Variants in LRRC63 observed in about 807,000 individuals in gnomAD.
LRRC63 encodes leucine rich repeat containing 63.
Under a neutral mutation model 49.5 loss-of-function variants are expected in LRRC63, and 40 were observed. The observed-to-expected ratio is 0.81, with a 90% confidence interval of 0.63 to 1.05. The LOEUF is 1.05. Ranked by LOEUF, LRRC63 falls within the 50% of genes least tolerant of loss-of-function variation. LRRC63 has a pLI of 0.00. For missense variants in LRRC63, 636 were observed against 663.1 expected (o/e 0.96, Z 0.45); for synonymous variants, 191 against 221.1 (o/e 0.86, Z 1.21).
chr13:46,253,860 G>T (rs2047445127), intron 7 of LRRC63, among the ~76,000 whole-genome samples: 1 of 152,114 alleles, frequency 6.6e-6, no homozygotes, highest in African/African-American at 2.4e-5. Flanking sequence ...TTAACATGTT[G>T]ATTTTAGATT....
chr13:46,222,202 T>C (rs2046425895), intron 2 of LRRC63, among the ~76,000 whole-genome samples: 1 of 152,194 alleles, frequency 6.6e-6, no homozygotes, highest in African/African-American at 2.4e-5. Context: ...ATTTTTTGTT[T>C]TCTAAGGGGA....
chr13:46,256,251 A>G (rs1460386639), intron 7 of LRRC63, among the ~76,000 whole-genome samples: 2 of 152,372 alleles, frequency 1.3e-5, no homozygotes, highest in East Asian at 3.9e-4. Flanking sequence ...GGACAAAGAC[A>G]GTATGAAATG....
chr13:46,258,541 G>A (rs2047557469), intron 7 of LRRC63, among the ~76,000 whole-genome samples: 1 of 150,888 alleles, frequency 6.6e-6, no homozygotes, highest in Non-Finnish European at 1.5e-5. Context: ...TGGGCATGGT[G>A]GCTCACGCCT....
chr13:46,265,231 G>A (rs954881182), intron 8 of LRRC63, among the ~76,000 whole-genome samples: 1 of 152,116 alleles, frequency 6.6e-6, no homozygotes, highest in African/African-American at 2.4e-5. Context: ...CTAAACAGGT[G>A]TGTCCTCCGA....
In LRRC63 at chr13:46,267,157, C is replaced by T. The variant is rs374156645; in HGVS notation, c.1550+185C>T. Among the ~76,000 whole-genome samples, 120 of 152,324 alleles carry T rather than the reference C, an allele frequency of 7.9e-4. 1 individual carries two copies. The Middle Eastern group carries it at 0.024, about 30-fold the overall frequency. ...CAGGTATAATAATGTAGTCTGAATC[C>T]GGCCCCCTTGTGTGATATTCTCAAG... On this transcript the variant is annotated intron_variant, in intron 9 of 9. Transcript: ENST00000595396.
intron 7 of LRRC63, among the ~76,000 whole-genome samples, chr13:46,257,906 AATATGCATATATTTTTTTTCCCAGAT>A (rs920501095): frequency 2.0e-5 from 3 of 150,744 alleles, no homozygotes; most frequent in Admixed American, 6.6e-5. Flanking sequence ...CATATGTTAA[AATATGCATATATTTTTTTTCCCAGAT>A]ATATTATTTT....
At chr13:46,269,146 A>G (rs11620381) in intron 9 of LRRC63, among the ~76,000 whole-genome samples, 5,184 of 152,054 alleles carry the variant, frequency 0.034, 131 homozygotes, top group Admixed American at 0.065. Flanking sequence ...TTTCTCAGAA[A>G]CTTAATAAGC....
At chr13:46,261,949 T>C in exon 8 of LRRC63, 3 of 1,182,816 alleles carry the variant, frequency 2.5e-6, no homozygotes, top group Non-Finnish European at 3.3e-6. Flanking sequence ...TGATGTTTCC[T>C]ATAATGAACT....
chr13:46,250,548 G>A, intron 7 of LRRC63, 57 bp downstream of exon 7: 1 of 1,368,826 alleles, frequency 7.3e-7, no homozygotes, highest in Non-Finnish European at 9.8e-7. Context: ...TTTCGAAAAA[G>A]ATCAATTTCC....
intron 5 of LRRC63, among the ~76,000 whole-genome samples, chr13:46,243,484 T>G (rs1157067289): frequency 6.6e-6 from 1 of 152,134 alleles, no homozygotes; most frequent in African/African-American, 2.4e-5. Flanking sequence ...AAATAAATAA[T>G]GTAAGCCCCA....
intron 9 of LRRC63, chr13:46,270,514 G>A (rs1566515078): frequency 1.3e-6 from 1 of 794,974 alleles, no homozygotes; most frequent in Non-Finnish European, 2.3e-6. Context: ...TTGCAGTTGA[G>A]TTACCCAAAT....
intron 9 of LRRC63, chr13:46,270,467 A>G (rs2047741600): frequency 1.3e-6 from 1 of 784,274 alleles, no homozygotes; most frequent in South Asian, 1.3e-5. Flanking sequence ...TCCATAAGCC[A>G]TCTATTCTTC....
intron 5 of LRRC63, among the ~76,000 whole-genome samples, chr13:46,237,656 A>C (rs911945552): frequency 6.6e-6 from 1 of 152,150 alleles, no homozygotes; most frequent in Non-Finnish European, 1.5e-5. Context: ...AATGGAAACA[A>C]AGATAGGTTA....
chr13:46,222,028 T>C (rs1182205197), intron 2 of LRRC63, among the ~76,000 whole-genome samples: 2 of 152,234 alleles, frequency 1.3e-5, no homozygotes, highest in African/African-American at 4.8e-5. Flanking sequence ...TGTTATTTTT[T>C]ATCTTTTTAA....
At chr13:46,244,296 A>G (rs994808232) in intron 5 of LRRC63, among the ~76,000 whole-genome samples, 2 of 152,032 alleles carry the variant, frequency 1.3e-5, no homozygotes, top group Admixed American at 6.6e-5. Flanking sequence ...CTGATATTGT[A>G]AGGTTCTTTA....
At chr13:46,249,227 G>A (rs773163130) in intron 6 of LRRC63, among the ~76,000 whole-genome samples, 1 of 151,364 alleles carries the variant, frequency 6.6e-6, no homozygotes, top group African/African-American at 2.4e-5. Flanking sequence ...AAAGCCACTA[G>A]AAAAAAAGGG....
exon 3 of LRRC63, chr13:46,228,122 A>C: frequency 6.4e-7 from 1 of 1,550,482 alleles, no homozygotes. Context: ...GAGTTACTGA[A>C]TTTCCAGGTT....
chr13:46,230,682 A>G (rs1224557140), intron 4 of LRRC63, among the ~76,000 whole-genome samples: 1 of 152,166 alleles, frequency 6.6e-6, no homozygotes, highest in African/African-American at 2.4e-5. Flanking sequence ...AGTTATGCAC[A>G]TCTCTCTAGC....
chr13:46,266,716 G>T lies in LRRC63; in HGVS notation c.1311-17G>T. 1 of 1,516,278 alleles carries T rather than the reference G, an allele frequency of 6.6e-7. No homozygotes were observed. The highest frequency in any genetic ancestry group is 8.8e-7 in the Non-Finnish European group (1 of 1,133,900). The allele number at this position is 1,516,278 out of a possible 1,614,324, so 93.9% of individuals were successfully genotyped here. A position where few individuals can be genotyped will look rare whatever the true frequency, so the allele number is the denominator to read the frequency against. ...ATTGTATAATACCTTTTAAAGTGTG[G>T]TTTCCTTTATTTACAGATCACTTGA... On this transcript the variant is annotated splice_polypyrimidine_tract_variant and intron_variant, in intron 8 of 9. Coordinates refer to ENST00000595396, the Ensembl canonical transcript of LRRC63.
Sources: allele counts gnomAD v4.1 joint callset (sites outside exome capture counted in the v4.1 genomes callset), GRCh38; gene constraint gnomAD v4.1.1; transcripts MANE v1.5; gene names NCBI Gene and HGNC (gene_info 2026-07-23, HGNC 2026-07-21).